The following CNBD1 variants were observed in gnomAD, a reference collection of about 807,000 sequenced individuals.
CNBD1 encodes cyclic nucleotide binding domain containing 1.
In CNBD1, 71 loss-of-function variants were observed where a neutral mutation model predicts 54.4. The ratio of observed to expected loss-of-function variants is 1.30; its 90% CI spans 1.08 to 1.59. The LOEUF is 1.59. CNBD1 is among the 40% of genes most tolerant of loss of function. The pLI is 0.00. For missense variants in CNBD1, 659 were observed against 518.0 expected (o/e 1.27, Z -2.64); for synonymous variants, 182 against 170.7 (o/e 1.07, Z -0.51).
chr8:87,078,733 A>G (rs1286317988), intron 4 of CNBD1, among the ~76,000 whole-genome samples: 1 of 152,206 alleles, frequency 6.6e-6, no homozygotes, highest in African/African-American at 2.4e-5. Context: ...TTTAGTATTA[A>G]AAAGAGCTGT....
chr8:87,266,438 C>CTTT (rs72293236), intron 6 of CNBD1, among the ~76,000 whole-genome samples: 7,099 of 50,416 alleles, frequency 0.14, 1,622 homozygotes, highest in Non-Finnish European at 0.18. Context: ...AAAAAAAAAT[C>CTTT]TTTTTTTTTT....
At chr8:86,997,289 C>A (rs2130538663) in intron 4 of CNBD1, among the ~76,000 whole-genome samples, 1 of 152,240 alleles carries the variant, frequency 6.6e-6, no homozygotes, top group Non-Finnish European at 1.5e-5. Context: ...TTTTGGAACA[C>A]TTAAAAAATT....
Position 87,341,561 on chromosome 8 carries a change from G to C in CNBD1, c.1043-10124G>C, listed in dbSNP as rs376966691. ...AAATTCATGTTAAAATGTTATTGCT[G>C]TTGTAATAGTATTAAGAGGTGGAAT... On this transcript the variant is annotated intron_variant, in intron 8 of 10. Transcript: ENST00000518476. 6.6e-5 allele frequency among the ~76,000 whole-genome samples: 10 copies of C among 152,266 alleles called. 1 individual carries two copies. In the East Asian group the frequency reaches 9.7e-4, roughly 15 times the overall value.
chr8:87,400,771 G>C (rs1414173309), intron 2 of CNBD1, among the ~76,000 whole-genome samples: 1 of 151,966 alleles, frequency 6.6e-6, no homozygotes. Flanking sequence ...TCTGAGATAA[G>C]TAAAAGATAA....
At chr8:87,398,795 T>C (rs972299482) in intron 2 of CNBD1, among the ~76,000 whole-genome samples, 50 of 152,008 alleles carry the variant, frequency 3.3e-4, no homozygotes, top group African/African-American at 1.2e-3. Flanking sequence ...TACATGCCAT[T>C]TTTAAAGTTT....
At chr8:87,369,303 A>G (rs1810709693) in intron 10 of CNBD1, among the ~76,000 whole-genome samples, 1 of 152,006 alleles carries the variant, frequency 6.6e-6, no homozygotes. Flanking sequence ...ACCATTCCGT[A>G]CATGCTGTTT....
intron 2 of CNBD1, among the ~76,000 whole-genome samples, chr8:86,900,346 TAAAG>T (rs1031241102): frequency 2.0e-5 from 3 of 152,194 alleles, no homozygotes; most frequent in Admixed American, 2.0e-4. Flanking sequence ...TAGTTTTTAA[TAAAG>T]AAATCTTTCT....
At chr8:87,399,300 G>A (rs187124332) in intron 2 of CNBD1, among the ~76,000 whole-genome samples, 23 of 152,034 alleles carry the variant, frequency 1.5e-4, no homozygotes, top group Admixed American at 1.4e-3. Flanking sequence ...GCCATGGCAG[G>A]GTTAGCCTTG....
At chr8:86,888,643 A>G (rs1425397894) in intron 2 of CNBD1, among the ~76,000 whole-genome samples, 3 of 152,166 alleles carry the variant, frequency 2.0e-5, no homozygotes, top group Non-Finnish European at 4.4e-5. Flanking sequence ...GGGTTCCAGA[A>G]GTGTTAGTTA....
chr8:86,901,095 A>T (rs1808926204), intron 2 of CNBD1, among the ~76,000 whole-genome samples: 1 of 152,152 alleles, frequency 6.6e-6, no homozygotes, highest in African/African-American at 2.4e-5. Context: ...TAGTGGCCTA[A>T]TGTTAAATAC....
rs201426606 is a variant in CNBD1, at chr8:86,922,832, G to A, written c.273-16764G>A. The stretch of plus-strand genomic sequence containing the variant: ...TAGAGATGTTCTAATTTAGAGTCAC[G>A]GAGCAACCAGGAGTGAAGAAATTCA... On this transcript the variant is annotated intron_variant, in intron 3 of 10. Coordinates refer to ENST00000518476, the MANE Select transcript of CNBD1 (RefSeq NM_173538.3). Among the ~76,000 whole-genome samples the A allele has an allele frequency of 1.1e-4, 16 of 152,138 alleles. No homozygotes were observed. The East Asian group carries it at 1.7e-3, about 17-fold the overall frequency.
intron 4 of CNBD1, among the ~76,000 whole-genome samples, chr8:87,102,564 C>G (rs369856802): frequency 2.0e-5 from 3 of 152,100 alleles, no homozygotes; most frequent in African/African-American, 7.2e-5. Flanking sequence ...GTGTAAACAA[C>G]TCTGACATTT....
chr8:87,147,513 A>T (rs1289242091), intron 4 of CNBD1, among the ~76,000 whole-genome samples: 2 of 152,010 alleles, frequency 1.3e-5, no homozygotes, highest in Non-Finnish European at 2.9e-5. Flanking sequence ...AAGAATTTAA[A>T]ATATATATAT....
chr8:87,364,832 T>G (rs1392507359), intron 10 of CNBD1, among the ~76,000 whole-genome samples: 3 of 152,164 alleles, frequency 2.0e-5, no homozygotes, highest in African/African-American at 7.2e-5. Flanking sequence ...TCATTCTTTT[T>G]TATGGCTGCA....
chr8:86,896,817 G>C (rs557690072), intron 2 of CNBD1, among the ~76,000 whole-genome samples: 1 of 152,166 alleles, frequency 6.6e-6, no homozygotes, highest in East Asian at 1.9e-4. Context: ...TGCAACATGA[G>C]TTAATCACAA....
At chr8:87,330,267 A>G (rs2130909300) in intron 8 of CNBD1, among the ~76,000 whole-genome samples, 1 of 130,560 alleles carries the variant, frequency 7.7e-6, no homozygotes, top group African/African-American at 3.0e-5. Flanking sequence ...TTAGAGGCTT[A>G]TCAGTTGTAT....
At chr8:87,277,431 G>A (rs1352516425) in intron 6 of CNBD1, among the ~76,000 whole-genome samples, 7 of 151,676 alleles carry the variant, frequency 4.6e-5, no homozygotes, top group Non-Finnish European at 1.0e-4. Context: ...CATCTCCAGA[G>A]AAACACACAG....
At chr8:87,151,477 A>G (rs1028314933) in intron 4 of CNBD1, among the ~76,000 whole-genome samples, 1 of 152,200 alleles carries the variant, frequency 6.6e-6, no homozygotes, top group Non-Finnish European at 1.5e-5. Context: ...TAGTATGTAG[A>G]TGGTGTTAAG....
At chr8:87,187,245 T>G (rs1336413661) in intron 4 of CNBD1, among the ~76,000 whole-genome samples, 1 of 151,950 alleles carries the variant, frequency 6.6e-6, no homozygotes, top group Non-Finnish European at 1.5e-5. Context: ...ATATAAATAT[T>G]TAAATTATGT....
Sources: gnomAD v4.1 joint callset for allele counts (sites outside exome capture counted in the v4.1 genomes callset) on GRCh38, gnomAD v4.1.1 for gene constraint, MANE v1.5 for transcripts, NCBI Gene and HGNC (gene_info 2026-07-23, HGNC 2026-07-21) for gene names.